VPS26B: variants seen among roughly 807,000 people sequenced by gnomAD.
VPS26B encodes VPS26 retromer complex component B, also known as vacuolar protein sorting-associated protein 26B.
Under a neutral mutation model 33.3 loss-of-function variants are expected in VPS26B, and 10 were observed. That is an observed-to-expected ratio of 0.30 (90% CI 0.19 to 0.51). The LOEUF (loss-of-function observed/expected upper bound fraction) is 0.51, where lower values mean the gene tolerates loss of function less well. VPS26B is among the 20% of genes least tolerant of loss of function. VPS26B has a pLI of 0.98. For missense variants in VPS26B, 317 were observed against 452.7 expected (o/e 0.70, Z 2.72); for synonymous variants, 190 against 176.9 (o/e 1.07, Z -0.59).
In VPS26B at chr11:134,234,985, C is replaced by G; in HGVS notation, c.312C>G (p.Ala104=). The G allele has an allele frequency of 6.2e-7, 1 of 1,614,190 alleles. No homozygotes were observed. The highest frequency in any genetic ancestry group is 8.5e-7 in the Non-Finnish European group (1 of 1,180,038). ...CTGGAGAGATCACCCAGTCGCAGGC[C>G]TTCGACTTTGAGTTTACCCACGTGG... ...ARPGEITQSQ[A]FDFEFTHVEK... Residue 104 remains alanine (A), a synonymous_variant, in exon 2 of 6, where the codon GCC becomes GCG. Coordinates refer to ENST00000281187, the MANE Select transcript of VPS26B (RefSeq NM_052875.5).
rs912287780 is a variant in VPS26B, at chr11:134,244,327, G to A, written c.722-611G>A. 1.3e-5 allele frequency: 2 copies of A among 152,230 alleles called. No homozygotes were observed. Among genetic ancestry groups the A allele is most frequent in the African/African-American group, 2.4e-5 (1 of 41,444 alleles). The allele number at this position is 152,230 out of a possible 1,614,324, so 9.4% of individuals were successfully genotyped here. Reference sequence around the variant, plus strand: ...CCCTAATTTTGTTCCACTGATACTAGAAACGGTCTGATGTTAGAGCTGGAA... The same window carrying A: ...CCCTAATTTTGTTCCACTGATACTAAAAACGGTCTGATGTTAGAGCTGGAA... On this transcript the variant is annotated intron_variant, in intron 4 of 5. Coordinates refer to ENST00000281187, the MANE Select transcript of VPS26B (RefSeq NM_052875.5). This position sits in a 1 kb window ranked among gnomAD's most constrained non-coding sequence, Gnocchi z 4.0.
chr11:134,235,269 C>A, intron 2 of VPS26B: 1 of 465,676 alleles, frequency 2.1e-6, no homozygotes, highest in Admixed American at 4.1e-5. Flanking sequence ...GTACATAGCC[C>A]CGCCATGGCC....
chr11:134,245,568 C>T lies in VPS26B; in HGVS notation c.989C>T (p.Ser330Phe), dbSNP rs1938800232. The T allele has an allele frequency of 6.2e-7, 1 of 1,611,596 alleles. No homozygotes were observed. The highest frequency in any genetic ancestry group is 8.5e-7 in the Non-Finnish European group (1 of 1,179,758). The change falls in exon 6 of 6, where the codon TCT (serine) becomes TTT (phenylalanine). Residue 330 changes from serine to phenylalanine, a missense_variant. Transcript: ENST00000281187. This position sits in a 1 kb window ranked among gnomAD's most constrained non-coding sequence, Gnocchi z 4.7. ...LGEVRTPSQL[S>F]DNNCRQ ...GAGGTGCGGACCCCCAGCCAGCTGT[C>T]TGACAACAACTGCAGGCAGTAGGCC...
At chr11:134,235,190 A>G (rs1263044752) in intron 2 of VPS26B, 137 bp downstream of exon 2, 3 of 1,168,828 alleles carry the variant, frequency 2.6e-6, no homozygotes, top group Non-Finnish European at 3.5e-6. Flanking sequence ...GCGTGCTGGT[A>G]AACCATTAAC....
Position 134,234,887 on chromosome 11 carries a change from C to G in VPS26B, c.224-10C>G. Reference sequence around the variant, plus strand: ...ATAAAGGAGGGCGTCGCATCGCTGTCTCTCACCAGAACTCTACTACGATCG... The same window carrying G: ...ATAAAGGAGGGCGTCGCATCGCTGTGTCTCACCAGAACTCTACTACGATCG... On this transcript the variant is annotated splice_polypyrimidine_tract_variant and intron_variant, in intron 1 of 5. Transcript: ENST00000281187. The G allele has an allele frequency of 6.2e-7, 1 of 1,612,996 alleles. No homozygotes were observed. Among genetic ancestry groups the G allele is most frequent in the Non-Finnish European group, 8.5e-7 (1 of 1,179,246 alleles).
chr11:134,243,290 G>A lies in VPS26B; in HGVS notation c.717G>A (p.Val239=), dbSNP rs1938762031. 1.2e-6 allele frequency: 2 copies of A among 1,613,946 alleles called. No individual in the cohort carries two copies. The highest frequency in any genetic ancestry group is 2.2e-5 in the South Asian group (2 of 91,078). ...ACGAGATCATGGACGGGGCACCAGT[G>A]CGAGGTGAGACTCCAGGCCCAGGCC... ...AKYEIMDGAP[V]RGESIPIRLF... The change falls in exon 4 of 6, where the codon GTG becomes GTA. Residue 239 remains valine (V), a synonymous_variant. Transcript: ENST00000281187.
intron 1 of VPS26B, among the ~76,000 whole-genome samples, chr11:134,233,732 A>T (rs1938592121): frequency 1.2e-5 from 1 of 84,084 alleles, no homozygotes; most frequent in Non-Finnish European, 3.1e-5. Context: ...CTCAAAAAAC[A>T]AACAAAAAAA....
chr11:134,230,795 T>C (rs559480605), intron 1 of VPS26B, among the ~76,000 whole-genome samples: 1 of 152,340 alleles, frequency 6.6e-6, no homozygotes, highest in South Asian at 2.1e-4. Context: ...ATTTATTCAC[T>C]TATGTGGTGG....
intron 1 of VPS26B, chr11:134,225,582 G>A (rs1938440403): frequency 3.7e-6 from 2 of 533,732 alleles, no homozygotes; most frequent in Admixed American, 6.1e-5. Context: ...GGGAGGAAGC[G>A]CCCTGCTGTG....
chr11:134,237,568 A>T (rs1438604058), intron 2 of VPS26B, among the ~76,000 whole-genome samples: 3 of 152,222 alleles, frequency 2.0e-5, no homozygotes, highest in Non-Finnish European at 4.4e-5. Context: ...ATCTGCTCAG[A>T]GGTCATAACT....
chr11:134,230,748 G>A (rs573061168), intron 1 of VPS26B, among the ~76,000 whole-genome samples: 1 of 152,354 alleles, frequency 6.6e-6, no homozygotes, highest in African/African-American at 2.4e-5. Context: ...CTCAGATGTG[G>A]CAGTTTGAAC....
At chr11:134,225,380 C>G in intron 1 of VPS26B, 35 bp downstream of exon 1, 1 of 1,607,582 alleles carries the variant, frequency 6.2e-7, no homozygotes. Flanking sequence ...CCCCCAGCGC[C>G]GACAGCCGGC....
At chr11:134,228,872 T>C (rs576820458) in intron 1 of VPS26B, among the ~76,000 whole-genome samples, 91 of 152,334 alleles carry the variant, frequency 6.0e-4, no homozygotes, top group African/African-American at 1.9e-3. Flanking sequence ...TTCTGAGGTC[T>C]GGCTGACGGG....
At position 134,231,799 on chromosome 11, in the gene VPS26B, G is replaced by A. The variant is rs975086634; in HGVS notation, c.224-3098G>A. Among the ~76,000 whole-genome samples the A allele has an allele frequency of 7.2e-5, 11 of 152,184 alleles. 1 individual carries two copies. The highest frequency in any genetic ancestry group is 2.7e-4 in the African/African-American group (11 of 41,442). ...AGGCTGGTCTCAAACTCCTGACCTC[G>A]TGATCCACCCGCCTTGGCCTCCCAA... On this transcript the variant is annotated intron_variant, in intron 1 of 5. Coordinates refer to ENST00000281187, the MANE Select transcript of VPS26B (RefSeq NM_052875.5).
At position 134,230,128 on chromosome 11, in the gene VPS26B, T is replaced by A. The variant is rs541183181; in HGVS notation, c.224-4769T>A. Among the ~76,000 whole-genome samples the A allele has an allele frequency of 2.2e-4, 33 of 152,332 alleles. 1 individual carries two copies. In the South Asian group the frequency reaches 6.8e-3, roughly 32 times the overall value. On this transcript the variant is annotated intron_variant, in intron 1 of 5. Coordinates refer to ENST00000281187, the MANE Select transcript of VPS26B (RefSeq NM_052875.5). ...TTCCTCCACTGTTCTTCCAGAGGCCTCATTAATACCTCTTTTCAAGCCGGG... is the reference window on the plus strand; with the variant it reads ...TTCCTCCACTGTTCTTCCAGAGGCCACATTAATACCTCTTTTCAAGCCGGG...
Position 134,245,829 on chromosome 11 carries a change from A to G in VPS26B, c.*239A>G. The G allele has an allele frequency of 1.9e-6, 1 of 519,894 alleles. No homozygotes were observed. The highest frequency in any genetic ancestry group is 3.4e-6 in the Non-Finnish European group (1 of 296,002). 32.2% of individuals were successfully genotyped at this position (519,894 alleles called of 1,614,324 possible). A position where few individuals can be genotyped will look rare whatever the true frequency, so the allele number is the denominator to read the frequency against. ...GGGATAGAAGAGGTAGCATCCTGGA[A>G]GCCAGCCTCTCTGGGGAACATGAGC... On this transcript the variant is annotated 3_prime_UTR_variant, in exon 6 of 6. Coordinates refer to ENST00000281187, the MANE Select transcript of VPS26B (RefSeq NM_052875.5). This position sits in a 1 kb window ranked among gnomAD's most constrained non-coding sequence, Gnocchi z 4.7.
rs1938398472 is a variant in VPS26B at position 134,224,767 on chromosome 11, C to CCACACCCGG, written c.-354_-346dup. ...ACCCCACCCGGCAGGCGCAGGCCAC[C>CCACACCCGG]CACACCCGGCTCTGTGCGGCTGCCC... On this transcript the variant is annotated 5_prime_UTR_variant, in exon 1 of 6. Transcript: ENST00000281187. The CCACACCCGG allele has an allele frequency of 6.6e-6, 1 of 152,552 alleles. No individual in the cohort carries two copies. Among genetic ancestry groups the CCACACCCGG allele is most frequent in the South Asian group, 2.1e-4 (1 of 4,838 alleles). The allele number at this position is 152,552 out of a possible 1,614,324, so 9.4% of individuals were successfully genotyped here.
chr11:134,234,235 C>T (rs985073419), intron 1 of VPS26B, among the ~76,000 whole-genome samples: 13 of 152,190 alleles, frequency 8.5e-5, no homozygotes, highest in East Asian at 1.9e-4. Flanking sequence ...CAGCTACTAA[C>T]GATGTTTTTG....
intron 1 of VPS26B, among the ~76,000 whole-genome samples, chr11:134,231,707 G>A (rs1234944140): frequency 2.6e-5 from 4 of 152,130 alleles, no homozygotes. Context: ...TGGGATTACA[G>A]ATGCCCACCA....
Sources: allele counts gnomAD v4.1 joint callset (sites outside exome capture counted in the v4.1 genomes callset), GRCh38; gene constraint gnomAD v4.1.1; non-coding constraint Gnocchi (gnomAD v3.1); transcripts MANE v1.5; gene names NCBI Gene and HGNC (gene_info 2026-07-23, HGNC 2026-07-21).